Variants in ACVR1 observed in about 807,000 individuals in gnomAD.
ACVR1 encodes activin receptor type-1.
ACVR1 carries 38 observed loss-of-function variants against 57.1 expected under a neutral mutation model. The observed-to-expected ratio is 0.67, with a 90% CI of 0.51 to 0.87. The LOEUF (loss-of-function observed/expected upper bound fraction) is 0.87, where lower values mean the gene tolerates loss of function less well. Ranked by LOEUF, ACVR1 falls within the 40% of genes least tolerant of loss-of-function variation. The pLI is 0.00. For missense variants in ACVR1, 463 were observed against 638.2 expected (o/e 0.73, Z 2.96); for synonymous variants, 212 against 228.1 (o/e 0.93, Z 0.63).
intron 2 of ACVR1, among the ~76,000 whole-genome samples, chr2:157,802,101 T>A (rs1364017275): frequency 6.6e-6 from 1 of 152,160 alleles, no homozygotes; most frequent in Admixed American, 6.5e-5. Flanking sequence ...ACTTGAGACT[T>A]TCTGGAGGGT....
At chr2:157,799,223 G>A (rs1229862168) in intron 3 of ACVR1, among the ~76,000 whole-genome samples, 1 of 151,940 alleles carries the variant, frequency 6.6e-6, no homozygotes. Flanking sequence ...AGAAAATTAG[G>A]TTGAATTTTT....
intron 1 of ACVR1, among the ~76,000 whole-genome samples, chr2:157,864,602 A>C (rs1320276031): frequency 6.6e-6 from 1 of 152,160 alleles, no homozygotes; most frequent in Non-Finnish European, 1.5e-5. Flanking sequence ...ATCAGCAGGA[A>C]ATCCAATCAT....
chr2:157,765,482 T>C (rs1390115999), intron 8 of ACVR1, among the ~76,000 whole-genome samples: 1 of 147,296 alleles, frequency 6.8e-6, no homozygotes, highest in Non-Finnish European at 1.5e-5. Flanking sequence ...AATGGGAAAC[T>C]CTGTATCTCG....
intron 1 of ACVR1, among the ~76,000 whole-genome samples, chr2:157,873,205 G>C (rs974817435): frequency 5.3e-5 from 8 of 152,156 alleles, no homozygotes; most frequent in Non-Finnish European, 8.8e-5. Flanking sequence ...TGGCAAAAGT[G>C]GCCAAGAACA....
chr2:157,778,235 G>T lies in ACVR1; in HGVS notation c.439C>A (p.Arg147=). Residue 147 remains arginine, a synonymous_variant, in exon 5 of 11, where the codon CGA becomes AGA. Coordinates refer to ENST00000434821, the MANE Select transcript of ACVR1 (RefSeq NM_001111067.4). The stretch of plus-strand genomic sequence containing the variant: ...TCTTGGTTGCGCCTTTTAAATTTTC[G>T]GAGAGCAACTCCCAGCAGGCAGGCT... ...LLACLLGVAL[R]KFKRRNQERL... is the part of the protein sequence containing the mutation. The T allele has an allele frequency of 1.2e-6, 2 of 1,613,886 alleles. No homozygotes were observed. Among genetic ancestry groups the T allele is most frequent in the Non-Finnish European group, 1.7e-6 (2 of 1,179,960 alleles).
At chr2:157,832,978 A>T (rs1166762622) in intron 1 of ACVR1, among the ~76,000 whole-genome samples, 1 of 152,222 alleles carries the variant, frequency 6.6e-6, no homozygotes, top group African/African-American at 2.4e-5. Context: ...TTAATTCTTC[A>T]TAGCCATTTT....
intron 2 of ACVR1, among the ~76,000 whole-genome samples, chr2:157,811,962 T>C (rs1408244098): frequency 1.3e-5 from 2 of 152,252 alleles, no homozygotes; most frequent in Admixed American, 6.5e-5. Context: ...TATCACCCCG[T>C]TGTGTTTGAG....
At chr2:157,757,958 G>A (rs1351255535) in intron 9 of ACVR1, among the ~76,000 whole-genome samples, 2 of 151,444 alleles carry the variant, frequency 1.3e-5, no homozygotes, top group Non-Finnish European at 3.0e-5. Context: ...TAATAAAAAG[G>A]CAGAAATAAG....
At chr2:157,777,039 G>A (rs1333499247) in intron 5 of ACVR1, among the ~76,000 whole-genome samples, 2 of 152,276 alleles carry the variant, frequency 1.3e-5, no homozygotes, top group South Asian at 2.1e-4. Context: ...GTAGGCATCA[G>A]ACTCAGCATA....
intron 1 of ACVR1, among the ~76,000 whole-genome samples, chr2:157,855,308 G>GTGTGTGTGTA (rs1307480066): frequency 7.7e-5 from 4 of 51,654 alleles, no homozygotes; most frequent in Non-Finnish European, 1.5e-4. Flanking sequence ...GTGTGTGTGT[G>GTGTGTGTGTA]TATATATATA....
intron 1 of ACVR1, among the ~76,000 whole-genome samples, chr2:157,832,625 TCTC>T (rs1319808866): frequency 1.3e-5 from 2 of 152,166 alleles, no homozygotes; most frequent in South Asian, 2.1e-4. Context: ...TATACTTTAC[TCTC>T]CTCAAGTGTC....
Position 157,737,594 on chromosome 2 carries a change from C to A in ACVR1, c.1467G>T (p.Leu489=). Residue 489 remains leucine (L), a synonymous_variant, in exon 11 of 11, where the codon CTG becomes CTT. Coordinates refer to ENST00000434821, the MANE Select transcript of ACVR1 (RefSeq NM_001111067.4). The stretch of plus-strand genomic sequence containing the variant: ...TTTTGGTCAAAGTCTTTTTGATACG[C>A]AGTGCTGTGAGTCTTGCGGATGGAT... ...YQNPSARLTA[L]RIKKTLTKID... is the part of the protein sequence containing the mutation. 6.2e-7 allele frequency: 1 copy of A among 1,614,086 alleles called. No homozygotes were observed. Among genetic ancestry groups the A allele is most frequent in the African/African-American group, 1.3e-5 (1 of 75,042 alleles).
intron 1 of ACVR1, among the ~76,000 whole-genome samples, chr2:157,833,176 A>G (rs1319197587): frequency 6.6e-6 from 1 of 152,224 alleles, no homozygotes; most frequent in Non-Finnish European, 1.5e-5. Flanking sequence ...TACTACAGCC[A>G]GCTGAATTCT....
At position 157,821,756 on chromosome 2, in the gene ACVR1, T is replaced by C. The variant is rs183571115; in HGVS notation, c.-182-3197A>G. ...CATTCCTGTGCAGGTGGTTGGAGGA[T>C]GGCCATGAAGAAGGAGAAGGAAAAT... On this transcript the variant is annotated intron_variant, in intron 1 of 10. Coordinates refer to ENST00000434821, the MANE Select transcript of ACVR1 (RefSeq NM_001111067.4). Among the ~76,000 whole-genome samples, 418 of 152,300 alleles carry C rather than the reference T, an allele frequency of 2.7e-3. 3 individuals carry two copies. Among genetic ancestry groups the C allele is most frequent in the Non-Finnish European group, 3.5e-3 (240 of 68,036 alleles).
At chr2:157,764,617 T>C (rs887038325) in intron 8 of ACVR1, among the ~76,000 whole-genome samples, 2 of 152,160 alleles carry the variant, frequency 1.3e-5, no homozygotes, top group African/African-American at 4.8e-5. Context: ...TCGCCCTCAC[T>C]GTCCCTGTCT....
intron 1 of ACVR1, chr2:157,838,364 A>G (rs1559087060): frequency 1.3e-5 from 2 of 152,188 alleles, no homozygotes; most frequent in East Asian, 3.9e-4. Flanking sequence ...AAAACAACCC[A>G]TAGTGACAAG....
At chr2:157,765,516 T>A (rs1471547184) in intron 8 of ACVR1, among the ~76,000 whole-genome samples, 2 of 152,156 alleles carry the variant, frequency 1.3e-5, no homozygotes, top group Non-Finnish European at 2.9e-5. Flanking sequence ...TTTTACAACA[T>A]TTGTCAAAAC....
chr2:157,863,935 C>A (rs1252816533), intron 1 of ACVR1, among the ~76,000 whole-genome samples: 6 of 147,014 alleles, frequency 4.1e-5, no homozygotes, highest in South Asian at 2.2e-4. Flanking sequence ...TCTCGGCTCA[C>A]TGCAACCTCC....
intron 1 of ACVR1, among the ~76,000 whole-genome samples, chr2:157,865,099 GAA>G (rs59833492): frequency 0.026 from 2,949 of 113,882 alleles, 40 homozygotes; most frequent in African/African-American, 0.057. Context: ...ACTTACACAG[GAA>G]AAAAAAAAAA....
Sources: gnomAD v4.1 joint callset for allele counts (sites outside exome capture counted in the v4.1 genomes callset) on GRCh38, gnomAD v4.1.1 for gene constraint, MANE v1.5 for transcripts, NCBI Gene and HGNC (gene_info 2026-07-23, HGNC 2026-07-21) for gene names.